AGBL4: variants seen among roughly 807,000 people sequenced by gnomAD.
AGBL4 encodes AGBL carboxypeptidase 4.
A neutral mutation model predicts 66.4 loss-of-function variants in AGBL4; 58 were observed. The observed-to-expected ratio is 0.87, with a 90% CI of 0.71 to 1.09. AGBL4 has a LOEUF of 1.09. Ranked by LOEUF, AGBL4 falls within the 50% of genes least tolerant of loss-of-function variation. The probability of loss-of-function intolerance (pLI) is 0.00; values close to 1 mark genes in which losing one functional copy is unlikely to be tolerated. For missense variants in AGBL4, 579 were observed against 631.0 expected (o/e 0.92, Z 0.88); for synonymous variants, 234 against 222.9 (o/e 1.05, Z -0.44).
chr1:48,970,809 A>G (rs1172848197), intron 5 of AGBL4, among the ~76,000 whole-genome samples: 1 of 152,134 alleles, frequency 6.6e-6, no homozygotes, highest in Non-Finnish European at 1.5e-5. Context: ...TATGAGTGCT[A>G]CTTCCGGCAG....
chr1:49,598,199 C>G (rs963216038), intron 3 of AGBL4, among the ~76,000 whole-genome samples: 4 of 152,058 alleles, frequency 2.6e-5, no homozygotes, highest in East Asian at 1.9e-4. Flanking sequence ...TCATCTGAAG[C>G]CTTCTTCTCT....
At chr1:49,700,746 AC>A (rs1380401662) in intron 2 of AGBL4, among the ~76,000 whole-genome samples, 9 of 152,048 alleles carry the variant, frequency 5.9e-5, no homozygotes, top group Non-Finnish European at 1.2e-4. Flanking sequence ...AGCTAAATCC[AC>A]TCTAAGATGT....
At chr1:49,699,811 G>C (rs1166154413) in intron 2 of AGBL4, among the ~76,000 whole-genome samples, 1 of 151,844 alleles carries the variant, frequency 6.6e-6, no homozygotes, top group Non-Finnish European at 1.5e-5. Flanking sequence ...ACTAAACCTA[G>C]AGATCATGTA....
intron 3 of AGBL4, among the ~76,000 whole-genome samples, chr1:49,250,204 A>G (rs993104604): frequency 6.6e-6 from 1 of 152,220 alleles, no homozygotes; most frequent in African/African-American, 2.4e-5. Flanking sequence ...ATTTCAAAAT[A>G]GGTAGAACAG....
chr1:50,015,002 G>A (rs558297582), intron 1 of AGBL4, among the ~76,000 whole-genome samples: 2 of 152,270 alleles, frequency 1.3e-5, no homozygotes, highest in Admixed American at 6.5e-5. Flanking sequence ...AAGAAATATA[G>A]TCTTTAGCTC....
intron 3 of AGBL4, among the ~76,000 whole-genome samples, chr1:49,398,948 A>AT (rs1035665992): frequency 1.2e-4 from 18 of 151,262 alleles, no homozygotes; most frequent in East Asian, 9.7e-4. Context: ...ATTCATTCTG[A>AT]TTTTTTTTTG....
chr1:48,866,066 T>A (rs916362538), intron 6 of AGBL4, among the ~76,000 whole-genome samples: 1 of 152,204 alleles, frequency 6.6e-6, no homozygotes, highest in Non-Finnish European at 1.5e-5. Flanking sequence ...CTGTCAGGTA[T>A]AGAACTATAG....
intron 3 of AGBL4, among the ~76,000 whole-genome samples, chr1:49,584,452 A>G (rs960431851): frequency 6.6e-5 from 10 of 152,140 alleles, no homozygotes; most frequent in African/African-American, 1.9e-4. Context: ...TCTTGACCCT[A>G]TGAGGTATTA....
chr1:48,693,307 C>T (rs1379422867), intron 6 of AGBL4, among the ~76,000 whole-genome samples: 1 of 152,136 alleles, frequency 6.6e-6, no homozygotes, highest in African/African-American at 2.4e-5. Flanking sequence ...CCGATCTCAC[C>T]ATCAACATGA....
intron 9 of AGBL4, among the ~76,000 whole-genome samples, chr1:48,627,736 G>A (rs1377839652): frequency 6.6e-6 from 1 of 152,130 alleles, no homozygotes; most frequent in Non-Finnish European, 1.5e-5. Context: ...GGCAGCAGCT[G>A]AGGAGGGCCT....
At chr1:49,371,509 C>T (rs1557877286) in intron 3 of AGBL4, among the ~76,000 whole-genome samples, 1 of 152,024 alleles carries the variant, frequency 6.6e-6, no homozygotes, top group Non-Finnish European at 1.5e-5. Context: ...AGTGGGAGTG[C>T]AGTAAACTCA....
At chr1:49,517,369 C>G (rs1649912786) in intron 3 of AGBL4, among the ~76,000 whole-genome samples, 1 of 151,614 alleles carries the variant, frequency 6.6e-6, no homozygotes, top group African/African-American at 2.4e-5. Context: ...CTCCTAGTAT[C>G]AGTAGCATGG....
At chr1:49,898,825 T>A (rs1649476580) in intron 1 of AGBL4, among the ~76,000 whole-genome samples, 1 of 152,144 alleles carries the variant, frequency 6.6e-6, no homozygotes, top group Non-Finnish European at 1.5e-5. Flanking sequence ...TCAACATGGA[T>A]GAAACTAGAG....
chr1:48,676,995 C>T (rs1038522023), intron 6 of AGBL4, among the ~76,000 whole-genome samples: 1 of 152,148 alleles, frequency 6.6e-6, no homozygotes, highest in Non-Finnish European at 1.5e-5. Flanking sequence ...CCCTGGGTCT[C>T]GGTTTCACCA....
At chr1:49,996,721 A>C (rs779665901) in intron 1 of AGBL4, among the ~76,000 whole-genome samples, 2 of 152,248 alleles carry the variant, frequency 1.3e-5, no homozygotes, top group Non-Finnish European at 2.9e-5. Flanking sequence ...AACACCTGGG[A>C]AATTCATCAC....
intron 9 of AGBL4, among the ~76,000 whole-genome samples, chr1:48,594,279 G>T (rs375465271): frequency 2.6e-5 from 4 of 152,012 alleles, no homozygotes; most frequent in East Asian, 1.9e-4. Context: ...AGCTGAGATC[G>T]CACCATTGCA....
At chr1:49,594,570 T>C (rs2124108158) in intron 3 of AGBL4, among the ~76,000 whole-genome samples, 1 of 152,302 alleles carries the variant, frequency 6.6e-6, no homozygotes, top group Non-Finnish European at 1.5e-5. Flanking sequence ...CCTGTGTCCA[T>C]GTGTCCTCAC....
At chr1:48,963,281 T>TAATC (rs1182161393) in intron 5 of AGBL4, among the ~76,000 whole-genome samples, 1 of 151,992 alleles carries the variant, frequency 6.6e-6, no homozygotes, top group East Asian at 1.9e-4. Flanking sequence ...GTGCATAACC[T>TAATC]AATCAACTCT....
chr1:49,551,356 A>G (rs1031663134), intron 3 of AGBL4, among the ~76,000 whole-genome samples: 2 of 152,118 alleles, frequency 1.3e-5, no homozygotes, highest in African/African-American at 4.8e-5. Flanking sequence ...ATTTTTTGAA[A>G]GATGTTAAAG....
Sources: allele counts gnomAD v4.1 joint callset (sites outside exome capture counted in the v4.1 genomes callset), GRCh38; gene constraint gnomAD v4.1.1; transcripts MANE v1.5; gene names NCBI Gene and HGNC (gene_info 2026-07-23, HGNC 2026-07-21).